The following TMCO6 variants were observed in gnomAD, a reference collection of about 807,000 sequenced individuals.
TMCO6 encodes the protein transmembrane and coiled-coil domain-containing protein 6.
Under a neutral mutation model 61.8 loss-of-function variants are expected in TMCO6, and 47 were observed. That is an observed-to-expected ratio of 0.76 (90% CI 0.60 to 0.97). The LOEUF (loss-of-function observed/expected upper bound fraction) is 0.97, where lower values mean the gene tolerates loss of function less well. Among genes scored for constraint, TMCO6 ranks in the 50% least tolerant of loss-of-function variants. TMCO6 has a pLI of 0.00. For missense variants in TMCO6, 557 were observed against 601.6 expected (o/e 0.93, Z 0.78); for synonymous variants, 261 against 254.2 (o/e 1.03, Z -0.25).
intron 10 of TMCO6, 134 bp downstream of exon 10, chr5:140,644,328 GGT>G (rs1265996991): frequency 2.9e-6 from 3 of 1,038,054 alleles, no homozygotes; most frequent in South Asian, 1.4e-5. Flanking sequence ...AACCAATCTA[GGT>G]GTGTGTCCCT....
chr5:140,647,200 T>C, downstream of TMCO6: 6 of 1,508,354 alleles, frequency 4.0e-6, no homozygotes, highest in Non-Finnish European at 5.3e-6. Flanking sequence ...GTCCCTTCTC[T>C]TCTCAAACCC....
chr5:140,631,785 T>A, the TMCO6 span: 10 of 1,406,082 alleles, frequency 7.1e-6, no homozygotes, highest in Non-Finnish European at 9.7e-6. Context: ...GGTCGAAAAG[T>A]CCTCAACGTC....
intron 2 of TMCO6, among the ~76,000 whole-genome samples, chr5:140,640,587 C>A (rs1581459225): frequency 6.6e-6 from 1 of 151,888 alleles, no homozygotes; most frequent in Admixed American, 6.6e-5. Flanking sequence ...TAAGTAGAGG[C>A]GGGGTTTCAT....
chr5:140,642,425 T>TCCTTTCTTCCTC lies in TMCO6; in HGVS notation c.603+10_603+21dup. On this transcript the variant is annotated splice_region_variant and intron_variant, in intron 5 of 11. Coordinates refer to ENST00000394671, the MANE Select transcript of TMCO6 (RefSeq NM_018502.5). Reference sequence around the variant, plus strand: ...CCTTGGCTGCCTGCATCCAGGTGACTCCTTTCTTCCTCCCTGGGCAACCCT... The same window carrying TCCTTTCTTCCTC: ...CCTTGGCTGCCTGCATCCAGGTGACTCCTTTCTTCCTCCCTTTCTTCCTCCCTGGGCAACCCT... The TCCTTTCTTCCTC allele has an allele frequency of 6.2e-7, 1 of 1,611,456 alleles. No homozygotes were observed. Among genetic ancestry groups the TCCTTTCTTCCTC allele is most frequent in the Non-Finnish European group, 8.5e-7 (1 of 1,178,608 alleles).
upstream of TMCO6, among the ~76,000 whole-genome samples, chr5:140,638,578 T>C (rs1186120742): frequency 1.3e-5 from 2 of 150,258 alleles, no homozygotes; most frequent in African/African-American, 5.0e-5. Flanking sequence ...TTTTTTTTTT[T>C]TGAGACGGAG....
the TMCO6 span, among the ~76,000 whole-genome samples, chr5:140,614,513 AAAC>A: frequency 5.1e-4 from 78 of 151,694 alleles, no homozygotes; most frequent in Middle Eastern, 3.4e-3. Flanking sequence ...ACTCTGTTTT[AAAC>A]AACAACAACA....
chr5:140,643,843 G>A lies in TMCO6; in HGVS notation c.982G>A (p.Gly328Arg). The change falls in exon 9 of 12, where the codon GGA becomes AGA. Residue 328 changes from glycine to arginine, a missense_variant. Physicochemically the swap from Gly to Arg is moderately radical, Grantham distance 125. Coordinates refer to ENST00000394671, the MANE Select transcript of TMCO6 (RefSeq NM_018502.5). ...LLTEAAVETVGGQMQLRDERV... is the reference protein window; with the variant it reads ...LLTEAAVETVRGQMQLRDERV... Reference sequence around the variant, plus strand: ...AACTGAGGCAGCAGTGGAGACTGTGGGAGGGCAAATGCAGCTCAGAGATGA... The same window carrying A: ...AACTGAGGCAGCAGTGGAGACTGTGAGAGGGCAAATGCAGCTCAGAGATGA... 1.2e-6 allele frequency: 2 copies of A among 1,614,242 alleles called. No homozygotes were observed. The highest frequency in any genetic ancestry group is 2.2e-5 in the South Asian group (2 of 91,092).
At chr5:140,632,420 T>C in the TMCO6 span, 5 of 1,614,206 alleles carry the variant, frequency 3.1e-6, no homozygotes, top group Non-Finnish European at 4.2e-6. The surrounding 1 kb of genome is among the most constrained non-coding windows in gnomAD (Gnocchi z 6.2). Flanking sequence ...CGCGAACCTG[T>C]TCGCAGGAAA....
chr5:140,642,900 CT>C (rs775559076), intron 6 of TMCO6, 24 bp from the exon 7 acceptor site: 1 of 1,614,040 alleles, frequency 6.2e-7, no homozygotes, highest in South Asian at 1.1e-5. Flanking sequence ...GTGGTTCCTA[CT>C]TACAGCCCTG....
At chr5:140,610,675 T>C in the TMCO6 span, among the ~76,000 whole-genome samples, 1 of 152,240 alleles carries the variant, frequency 6.6e-6, no homozygotes, top group East Asian at 1.9e-4. Context: ...ATCTGTGAAT[T>C]GACATCATTT....
the TMCO6 span, among the ~76,000 whole-genome samples, chr5:140,601,609 C>T: frequency 1.3e-5 from 2 of 152,194 alleles, no homozygotes; most frequent in Non-Finnish European, 2.9e-5. Flanking sequence ...GGCTGGGGTG[C>T]AGTGACACAA....
the TMCO6 span, among the ~76,000 whole-genome samples, chr5:140,599,433 A>G: frequency 6.6e-6 from 1 of 152,246 alleles, no homozygotes; most frequent in Non-Finnish European, 1.5e-5. Context: ...TGCACCACCC[A>G]TGAATCAGTA....
the TMCO6 span, among the ~76,000 whole-genome samples, chr5:140,621,386 C>T: frequency 6.6e-6 from 1 of 152,206 alleles, no homozygotes; most frequent in African/African-American, 2.4e-5. Flanking sequence ...TTACTGCAAT[C>T]TCTAAACATA....
intron 2 of TMCO6, among the ~76,000 whole-genome samples, chr5:140,640,469 G>A (rs1324694427): frequency 6.7e-6 from 1 of 149,390 alleles, no homozygotes; most frequent in Non-Finnish European, 1.5e-5. Context: ...GCAGTGGCAT[G>A]ATCTCGGCTC....
chr5:140,632,375 G>C, the TMCO6 span: 2 of 1,614,210 alleles, frequency 1.2e-6, no homozygotes, highest in Non-Finnish European at 1.7e-6. This position sits in a 1 kb window ranked among gnomAD's most constrained non-coding sequence, Gnocchi z 6.2. Flanking sequence ...GTCCAGGATT[G>C]TCAGACAGGT....
the TMCO6 span, chr5:140,632,233 G>A: frequency 6.2e-7 from 1 of 1,613,592 alleles, no homozygotes; most frequent in South Asian, 1.1e-5. The surrounding 1 kb of genome is among the most constrained non-coding windows in gnomAD (Gnocchi z 6.2). Flanking sequence ...AGGCTGTGGG[G>A]CTGCACACCT....
At chr5:140,600,131 C>T in the TMCO6 span, among the ~76,000 whole-genome samples, 7 of 152,032 alleles carry the variant, frequency 4.6e-5, no homozygotes, top group African/African-American at 1.7e-4. Context: ...CAACATCATC[C>T]AAAATGTTAT....
the TMCO6 span, among the ~76,000 whole-genome samples, chr5:140,615,403 A>C: frequency 6.6e-6 from 1 of 152,218 alleles, no homozygotes; most frequent in Non-Finnish European, 1.5e-5. Context: ...TTCTTAGCAC[A>C]ATTCAATGGC....
In TMCO6 at chr5:140,643,944, T is replaced by C. The variant is rs777310080; in HGVS notation, c.1083T>C (p.Leu361=). 3.7e-6 allele frequency: 6 copies of C among 1,614,198 alleles called. No individual in the cohort carries two copies. The highest frequency in any genetic ancestry group is 1.3e-5 in the African/African-American group (1 of 75,052). ...QKQPSLLPEG[L]WLLNNLTANS... ...AGCCCAGTCTGCTCCCTGAGGGCCTTTGGCTCCTCAACAACCTCACTGGTA... is the reference window on the plus strand; with the variant it reads ...AGCCCAGTCTGCTCCCTGAGGGCCTCTGGCTCCTCAACAACCTCACTGGTA... Residue 361 remains leucine, a synonymous_variant, in exon 9 of 12, where the codon CTT becomes CTC. Coordinates refer to ENST00000394671, the MANE Select transcript of TMCO6 (RefSeq NM_018502.5).
Sources: gnomAD v4.1 joint callset for allele counts (sites outside exome capture counted in the v4.1 genomes callset) on GRCh38, gnomAD v4.1.1 for gene constraint, Gnocchi (gnomAD v3.1) non-coding constraint, MANE v1.5 for transcripts, NCBI Gene and HGNC (gene_info 2026-07-23, HGNC 2026-07-21) for gene names.